The following HRH4 variants were observed in gnomAD, a reference collection of about 807,000 sequenced individuals.
HRH4 encodes the protein histamine receptor H4, also known as histamine H4 receptor.
Under a neutral mutation model 10.4 loss-of-function variants are expected in HRH4, and 12 were observed. The observed-to-expected ratio is 1.15, with a 90% confidence interval of 0.74 to 1.87. The LOEUF (loss-of-function observed/expected upper bound fraction) is 1.87, where lower values mean the gene tolerates loss of function less well. HRH4 is among the 40% of genes most tolerant of loss of function. The pLI is 0.00. For synonymous variants in HRH4, 154 were observed against 166.6 expected (o/e 0.92, Z 0.58); for missense variants, 415 against 453.3 (o/e 0.92, Z 0.77).
Position 24,460,649 on chromosome 18 carries a change from T to C in HRH4, c.-80T>C, listed in dbSNP as rs562943112. 2 of 815,340 alleles carry C rather than the reference T, an allele frequency of 2.5e-6. No individual in the cohort carries two copies. Among genetic ancestry groups the C allele is most frequent in the South Asian group, 5.5e-5 (2 of 36,648 alleles). The allele number at this position is 815,340 out of a possible 1,614,324, so 50.5% of individuals were successfully genotyped here. A position where few individuals can be genotyped will look rare whatever the true frequency, so the allele number is the denominator to read the frequency against. On this transcript the variant is annotated 5_prime_UTR_variant, in exon 1 of 3. Transcript: ENST00000256906. ...TGAGTGGAAGACTACACATTTTAGG[T>C]ATGTGATTAGAAAACATACTTGTCA... is the stretch of plus-strand genomic sequence containing the variant.
rs530888644 is a variant in HRH4 at position 24,471,282 on chromosome 18, T to C, written c.357+2331T>C. ...AATCAATTTAGTGGGTTGTGACCTTTTTTTTTCATTAAAAAAATATGGAAT... is the reference window on the plus strand; with the variant it reads ...AATCAATTTAGTGGGTTGTGACCTTCTTTTTTCATTAAAAAAATATGGAAT... On this transcript the variant is annotated intron_variant, in intron 2 of 2. Coordinates refer to ENST00000256906, the MANE Select transcript of HRH4 (RefSeq NM_021624.4). 5.3e-5 allele frequency among the ~76,000 whole-genome samples: 8 copies of C among 152,140 alleles called. No individual in the cohort carries two copies. In the South Asian group the frequency reaches 1.0e-3, roughly 20 times the overall value.
rs796535520 is a variant in HRH4 at position 24,470,386 on chromosome 18, A to T, written c.357+1435A>T. Among the ~76,000 whole-genome samples, 19 of 152,270 alleles carry T rather than the reference A, an allele frequency of 1.2e-4. 1 individual carries two copies. The highest frequency in any genetic ancestry group is 4.6e-4 in the African/African-American group (19 of 41,536). On this transcript the variant is annotated intron_variant, in intron 2 of 2. Transcript: ENST00000256906. ...CTACTGTTTCTGTTGCAACTGCTCAAATGTGCCATCGTAGCCCCCAAACAG... is the reference window on the plus strand; with the variant it reads ...CTACTGTTTCTGTTGCAACTGCTCATATGTGCCATCGTAGCCCCCAAACAG...
At chr18:24,472,107 A>G (rs1599778772) in intron 2 of HRH4, among the ~76,000 whole-genome samples, 1 of 152,020 alleles carries the variant, frequency 6.6e-6, no homozygotes, top group Admixed American at 6.6e-5. Context: ...CTGCAGTGAC[A>G]TGATCTCGGC....
chr18:24,477,556 T>C lies in HRH4; in HGVS notation c.1167T>C (p.Ser389=), dbSNP rs146425485. 6.4e-7 allele frequency: 1 copy of C among 1,558,022 alleles called. No individual in the cohort carries two copies. The highest frequency in any genetic ancestry group is 8.7e-7 in the Non-Finnish European group (1 of 1,154,956). ...CATCACAACACAGTCGGTCAGTATC[T>C]TCTTAAAGACAATTTTCTCACCTCT... ...PLPSQHSRSV[S]S Residue 389 remains serine, a synonymous_variant, in exon 3 of 3, where the codon TCT becomes TCC. Transcript: ENST00000256906.
At chr18:24,465,935 T>G (rs1247431950) in intron 1 of HRH4, among the ~76,000 whole-genome samples, 4 of 152,220 alleles carry the variant, frequency 2.6e-5, no homozygotes, top group Non-Finnish European at 4.4e-5. Context: ...GTGTCTAGAA[T>G]GCATTACTAG....
chr18:24,474,620 T>A (rs1910082161), intron 2 of HRH4, among the ~76,000 whole-genome samples: 1 of 149,538 alleles, frequency 6.7e-6, no homozygotes, highest in Non-Finnish European at 1.5e-5. Context: ...GGTAGATCCA[T>A]TTTTTTTTGC....
rs1019854440 is a variant in HRH4 at position 24,476,812 on chromosome 18, G to A, written c.423G>A (p.Val141=). 7 of 1,614,066 alleles carry A rather than the reference G, an allele frequency of 4.3e-6. No homozygotes were observed. Among genetic ancestry groups the A allele is most frequent in the Non-Finnish European group, 5.9e-6 (7 of 1,180,038 alleles). Residue 141 remains valine (V), a synonymous_variant, in exon 3 of 3, where the codon GTG becomes GTA. Coordinates refer to ENST00000256906, the MANE Select transcript of HRH4 (RefSeq NM_021624.4). ...TTACTCTGATGGTGGCCGTTTGGGT[G>A]CTGGCCTTCTTAGTGAATGGGCCAA... ...KIVTLMVAVW[V]LAFLVNGPMI...
chr18:24,468,780 C>T lies in HRH4; in HGVS notation c.194-8C>T. ...CTATGTTTTTACACTTATGTTTTCC[C>T]TGTGCAGGTGTGATCTCCATTCCTT... On this transcript the variant is annotated splice_region_variant and splice_polypyrimidine_tract_variant and intron_variant, in intron 1 of 2. Coordinates refer to ENST00000256906, the MANE Select transcript of HRH4 (RefSeq NM_021624.4). 6.2e-7 allele frequency: 1 copy of T among 1,605,182 alleles called. No individual in the cohort carries two copies. The highest frequency in any genetic ancestry group is 8.5e-7 in the Non-Finnish European group (1 of 1,176,994).
In HRH4 at chr18:24,468,843, A is replaced by G; in HGVS notation, c.249A>G (p.Gly83=). The change falls in exon 2 of 3, where the codon GGA becomes GGG. Residue 83 remains glycine (G), a synonymous_variant. Transcript: ENST00000256906. ...IPHTLFEWDF[G]KEICVFWLTT... is the part of the protein sequence containing the mutation. ...ACACGCTGTTCGAATGGGATTTTGG[A>G]AAGGAAATCTGTGTATTTTGGCTCA... The G allele has an allele frequency of 6.2e-7, 1 of 1,614,058 alleles. No homozygotes were observed. The highest frequency in any genetic ancestry group is 8.5e-7 in the Non-Finnish European group (1 of 1,179,982).
At position 24,467,929 on chromosome 18, in the gene HRH4, C is replaced by T. The variant is rs139821207; in HGVS notation, c.194-859C>T. On this transcript the variant is annotated intron_variant, in intron 1 of 2. Transcript: ENST00000256906. ...GAGAAAAAAGAGATGTGAAAATGTGCCATGTGTTTGGGGGAAGGGTGGTCC... is the reference window on the plus strand; with the variant it reads ...GAGAAAAAAGAGATGTGAAAATGTGTCATGTGTTTGGGGGAAGGGTGGTCC... Among the ~76,000 whole-genome samples, 1,507 of 152,108 alleles carry T rather than the reference C, an allele frequency of 9.9e-3. 23 individuals carry two copies. The highest frequency in any genetic ancestry group is 0.034 in the African/African-American group (1,399 of 41,472).
chr18:24,475,123 T>G (rs898239965), intron 2 of HRH4, among the ~76,000 whole-genome samples: 1 of 152,212 alleles, frequency 6.6e-6, no homozygotes, highest in Non-Finnish European at 1.5e-5. Context: ...AGGATTGACA[T>G]AAGGATTGTG....
intron 1 of HRH4, among the ~76,000 whole-genome samples, chr18:24,461,547 TATTTTTAA>T (rs917284946): frequency 2.0e-5 from 3 of 152,170 alleles, no homozygotes; most frequent in African/African-American, 7.2e-5. Flanking sequence ...TGATGCTTCT[TATTTTTAA>T]ACAATGCTTA....
intron 2 of HRH4, among the ~76,000 whole-genome samples, chr18:24,471,606 CAAAAAAAAAAAAAAA>C (rs60730879): frequency 1.9e-5 from 1 of 51,390 alleles, no homozygotes; most frequent in Non-Finnish European, 3.1e-5. Context: ...GACTCCATCT[CAAAAAAAAAAAAAAA>C]AAAAAAAAAA....
intron 2 of HRH4, among the ~76,000 whole-genome samples, chr18:24,470,704 G>A (rs972009003): frequency 4.0e-5 from 6 of 150,880 alleles, no homozygotes; most frequent in African/African-American, 1.2e-4. Flanking sequence ...GGCTTTCACC[G>A]TGTTGGCCAG....
At chr18:24,468,734 A>G in intron 1 of HRH4, 54 bp from the exon 2 acceptor site, 1 of 1,480,878 alleles carries the variant, frequency 6.8e-7, no homozygotes, top group South Asian at 1.3e-5. Context: ...AAACATGCAC[A>G]TTTGTGTTCA....
At chr18:24,465,958 T>C (rs1345382272) in intron 1 of HRH4, among the ~76,000 whole-genome samples, 2 of 152,158 alleles carry the variant, frequency 1.3e-5, no homozygotes, top group Admixed American at 6.6e-5. Flanking sequence ...TCTCTCTTCT[T>C]TCTCATTCTG....
rs1910210058 is a variant in HRH4, at chr18:24,478,501, C to G, written c.*939C>G. The G allele has an allele frequency of 6.6e-6, 1 of 152,210 alleles. No homozygotes were observed. Among genetic ancestry groups the G allele is most frequent in the African/African-American group, 2.4e-5 (1 of 41,442 alleles). The allele number at this position is 152,210 out of a possible 1,614,324, so 9.4% of individuals were successfully genotyped here. The stretch of plus-strand genomic sequence containing the variant: ...CATGAGGTCAGGAGATCGAGACCAT[C>G]CTGGCCAACATGGTGAAACCCCATC... On this transcript the variant is annotated 3_prime_UTR_variant, in exon 3 of 3. Coordinates refer to ENST00000256906, the MANE Select transcript of HRH4 (RefSeq NM_021624.4).
At position 24,479,602 on chromosome 18, in the gene HRH4, C is replaced by G. The variant is rs1910255381; in HGVS notation, c.*2040C>G. Reference sequence around the variant, plus strand: ...TAGCTGGGACCGCAGGCACTTGCCACCACGCCCCACTAAAAATTTTTTAAA... The same window carrying G: ...TAGCTGGGACCGCAGGCACTTGCCAGCACGCCCCACTAAAAATTTTTTAAA... On this transcript the variant is annotated 3_prime_UTR_variant, in exon 3 of 3. Transcript: ENST00000256906. 1 of 152,220 alleles carries G rather than the reference C, an allele frequency of 6.6e-6. No individual in the cohort carries two copies. Among genetic ancestry groups the G allele is most frequent in the Non-Finnish European group, 1.5e-5 (1 of 68,040 alleles). 9.4% of individuals were successfully genotyped at this position (152,220 alleles called of 1,614,324 possible). A position where few individuals can be genotyped will look rare whatever the true frequency, so the allele number is the denominator to read the frequency against.
chr18:24,476,691 C>T (rs1910138328), intron 2 of HRH4, 56 bp from the exon 3 acceptor site: 1 of 1,293,840 alleles, frequency 7.7e-7, no homozygotes, highest in Non-Finnish European at 1.1e-6. Flanking sequence ...CTATGAGATA[C>T]TTTATGCATT....
Sources: gnomAD v4.1 joint callset for allele counts (sites outside exome capture counted in the v4.1 genomes callset) on GRCh38, gnomAD v4.1.1 for gene constraint, MANE v1.5 for transcripts, NCBI Gene and HGNC (gene_info 2026-07-23, HGNC 2026-07-21) for gene names.